NREP: variants seen among roughly 807,000 people sequenced by gnomAD.
NREP encodes neuronal regeneration related protein.
Under a neutral mutation model 8.6 loss-of-function variants are expected in NREP, and 5 were observed. The observed-to-expected ratio is 0.58, with a 90% confidence interval of 0.30 to 1.22. The LOEUF is 1.22. NREP is among the 50% of genes most tolerant of loss of function. The pLI is 0.07. For missense variants in NREP, 86 were observed against 82.5 expected, an observed-to-expected ratio of 1.04 and a Z score of -0.17; for synonymous variants, 27 against 28.0, an observed-to-expected ratio of 0.96 and a Z score of 0.11.
chr5:111,764,240 T>C (rs1037997975), intron 2 of NREP, among the ~76,000 whole-genome samples: 33 of 152,298 alleles, frequency 2.2e-4, no homozygotes, highest in Middle Eastern at 3.4e-3. Context: ...GTTGTGAAGT[T>C]GCTTCAGTTC....
chr5:111,972,269 C>A (rs954847749), intron 2 of NREP, among the ~76,000 whole-genome samples: 1 of 152,112 alleles, frequency 6.6e-6, no homozygotes, highest in Admixed American at 6.5e-5. Context: ...TAAAGGGAAC[C>A]ACTGCATACT....
chr5:111,865,591 G>C (rs926777660), intron 2 of NREP, among the ~76,000 whole-genome samples: 1 of 152,148 alleles, frequency 6.6e-6, no homozygotes, highest in Admixed American at 6.6e-5. Flanking sequence ...GACTAATAGA[G>C]AGCTGCCTGA....
At chr5:111,765,188 T>G (rs1751051370) in intron 2 of NREP, among the ~76,000 whole-genome samples, 2 of 152,160 alleles carry the variant, frequency 1.3e-5, no homozygotes, top group Non-Finnish European at 2.9e-5. Context: ...TTATAAGGAA[T>G]GCACAAGCTA....
intron 2 of NREP, among the ~76,000 whole-genome samples, chr5:111,890,669 C>T (rs1754371902): frequency 1.3e-5 from 2 of 152,188 alleles, no homozygotes; most frequent in South Asian, 4.1e-4. Flanking sequence ...TGGAAGCTGC[C>T]AAGGTTTATG....
At chr5:111,757,742 C>T (rs965380941), upstream of NREP, 13 of 984,150 alleles carry the variant, frequency 1.3e-5, no homozygotes, top group South Asian at 4.7e-5. Context: ...CCCGGGAGCA[C>T]GGCGCGCGCA....
At chr5:111,893,058 G>A (rs536300387) in intron 2 of NREP, among the ~76,000 whole-genome samples, 4 of 152,338 alleles carry the variant, frequency 2.6e-5, no homozygotes, top group African/African-American at 7.2e-5. Flanking sequence ...TACACAGGAA[G>A]TCCAGCTCAG....
intron 2 of NREP, among the ~76,000 whole-genome samples, chr5:111,936,658 G>C (rs1483414337): frequency 6.6e-6 from 1 of 151,998 alleles, no homozygotes; most frequent in African/African-American, 2.4e-5. Flanking sequence ...CTGTACAAAG[G>C]CTGTCGCTAC....
intron 2 of NREP, among the ~76,000 whole-genome samples, chr5:111,743,637 G>C (rs1361397495): frequency 6.6e-6 from 1 of 152,140 alleles, no homozygotes; most frequent in Non-Finnish European, 1.5e-5. Context: ...GTGAATTTTA[G>C]AATGGTATTA....
intron 2 of NREP, among the ~76,000 whole-genome samples, chr5:111,961,012 G>C (rs1756465344): frequency 6.6e-6 from 1 of 152,166 alleles, no homozygotes; most frequent in Non-Finnish European, 1.5e-5. Context: ...CAAAAGTCCT[G>C]GCTTGGTCAT....
chr5:111,943,319 C>T (rs1199486300), intron 2 of NREP, among the ~76,000 whole-genome samples: 1 of 152,054 alleles, frequency 6.6e-6, no homozygotes, highest in African/African-American at 2.4e-5. Flanking sequence ...TAGGCACATA[C>T]TGCCTTGATT....
At chr5:111,874,130 T>C (rs768695243) in intron 2 of NREP, among the ~76,000 whole-genome samples, 24 of 152,120 alleles carry the variant, frequency 1.6e-4, no homozygotes, top group East Asian at 3.9e-4. Context: ...GCAGGGTTCA[T>C]TGGGGTATCC....
intron 2 of NREP, among the ~76,000 whole-genome samples, chr5:111,786,567 T>C (rs1458194378): frequency 6.6e-6 from 1 of 152,212 alleles, no homozygotes; most frequent in Non-Finnish European, 1.5e-5. Context: ...ACCAAGCCTG[T>C]CACATGTTTC....
intron 2 of NREP, among the ~76,000 whole-genome samples, chr5:111,765,676 C>T (rs543805306): frequency 5.3e-4 from 81 of 152,184 alleles, no homozygotes; most frequent in African/African-American, 1.9e-3. Flanking sequence ...CCTTCGTTGC[C>T]GTGCCTAGAA....
Position 111,736,319 on chromosome 5 carries a change from T to TA in NREP, c.4-813dup, listed in dbSNP as rs1749110233. On this transcript the variant is annotated intron_variant, in intron 2 of 3. Coordinates refer to ENST00000257435, the MANE Select transcript of NREP (RefSeq NM_004772.4). ...TAGAGAAAAACTGTGAAATCTTCTT[T>TA]AAAAAATTTAGAAACAGAATCCAAC... 3.3e-5 allele frequency among the ~76,000 whole-genome samples: 5 copies of TA among 152,294 alleles called. No individual in the cohort carries two copies. In the South Asian group the frequency reaches 1.0e-3, roughly 32 times the overall value.
At chr5:111,952,623 G>A (rs1756192826) in intron 2 of NREP, among the ~76,000 whole-genome samples, 1 of 152,122 alleles carries the variant, frequency 6.6e-6, no homozygotes, top group South Asian at 2.1e-4. Flanking sequence ...GCAGTTATTG[G>A]AACATACCCA....
At chr5:111,938,486 T>C (rs1258851731) in intron 2 of NREP, among the ~76,000 whole-genome samples, 2 of 152,072 alleles carry the variant, frequency 1.3e-5, no homozygotes, top group Non-Finnish European at 2.9e-5. Context: ...ATTTCAAGAT[T>C]CATTTTCTCC....
intron 2 of NREP, among the ~76,000 whole-genome samples, chr5:111,897,915 A>G (rs1418164517): frequency 6.6e-6 from 1 of 152,242 alleles, no homozygotes; most frequent in Middle Eastern, 3.4e-3. Context: ...TTTGTTTCCT[A>G]TACTGAATGT....
intron 2 of NREP, among the ~76,000 whole-genome samples, chr5:111,795,676 A>G (rs1297574346): frequency 1.3e-5 from 2 of 152,240 alleles, no homozygotes; most frequent in Non-Finnish European, 2.9e-5. Flanking sequence ...CTATTCATGT[A>G]TAATTACTTT....
intron 2 of NREP, among the ~76,000 whole-genome samples, chr5:111,849,856 T>C (rs1389848): frequency 5.9e-5 from 9 of 152,180 alleles, no homozygotes; most frequent in African/African-American, 2.2e-4. Flanking sequence ...TTTTCTTCCT[T>C]CCCGCAGTCT....
Sources: gnomAD v4.1 joint callset for allele counts (sites outside exome capture counted in the v4.1 genomes callset) on GRCh38, gnomAD v4.1.1 for gene constraint, MANE v1.5 for transcripts, NCBI Gene and HGNC (gene_info 2026-07-23, HGNC 2026-07-21) for gene names.